The following ASCC1 variants were observed in gnomAD, a reference collection of about 807,000 sequenced individuals.
ASCC1 encodes activating signal cointegrator 1 complex subunit 1.
ASCC1 carries 35 observed loss-of-function variants against 46.6 expected under a neutral mutation model. That is an observed-to-expected ratio of 0.75 (90% CI 0.57 to 0.99). The LOEUF is 0.99. Ranked by LOEUF, ASCC1 falls within the 50% of genes least tolerant of loss-of-function variation. ASCC1 has a pLI of 0.00. For synonymous variants in ASCC1, 143 were observed against 146.6 expected, an observed-to-expected ratio of 0.98 and a Z score of 0.18; for missense variants, 376 against 428.7, an observed-to-expected ratio of 0.88 and a Z score of 1.09.
chr10:72,119,188 TG>T (rs1232709153), intron 9 of ASCC1, among the ~76,000 whole-genome samples: 1 of 152,248 alleles, frequency 6.6e-6, no homozygotes, highest in Non-Finnish European at 1.5e-5. Flanking sequence ...CAAAAGTTTT[TG>T]TAATTTTACC....
At chr10:72,189,840 C>A in intron 5 of ASCC1, 7 of 444,016 alleles carry the variant, frequency 1.6e-5, no homozygotes, top group Admixed American at 3.8e-5. Context: ...AAGACATGAA[C>A]CATTGTTCTA....
chr10:72,168,354 C>T (rs1025720978), intron 5 of ASCC1, among the ~76,000 whole-genome samples: 7 of 152,042 alleles, frequency 4.6e-5, no homozygotes, highest in Non-Finnish European at 7.4e-5. Flanking sequence ...TTAAAAAATG[C>T]AAATTAAAAC....
At chr10:72,103,267 G>A (rs1841997697) in intron 9 of ASCC1, among the ~76,000 whole-genome samples, 1 of 151,578 alleles carries the variant, frequency 6.6e-6, no homozygotes, top group Non-Finnish European at 1.5e-5. Context: ...CGAGTAGCTG[G>A]GACTACAGGC....
chr10:72,144,053 C>T (rs1366557657), intron 7 of ASCC1, among the ~76,000 whole-genome samples: 1 of 151,672 alleles, frequency 6.6e-6, no homozygotes, highest in East Asian at 1.9e-4. Context: ...TCTTGGCTCA[C>T]TGCAACCTCC....
intron 5 of ASCC1, among the ~76,000 whole-genome samples, chr10:72,187,386 A>G (rs1589525365): frequency 6.8e-6 from 1 of 147,806 alleles, no homozygotes; most frequent in Non-Finnish European, 1.5e-5. Flanking sequence ...GGTGGATCAC[A>G]AGGTCAGGAG....
chr10:72,202,294 C>T (rs2133367011), intron 4 of ASCC1, among the ~76,000 whole-genome samples: 1 of 152,178 alleles, frequency 6.6e-6, no homozygotes, highest in East Asian at 1.9e-4. Context: ...TGGCGAAACC[C>T]TGTCTCTACC....
intron 7 of ASCC1, chr10:72,133,995 A>C (rs967965002): frequency 1.3e-5 from 2 of 152,352 alleles, no homozygotes; most frequent in African/African-American, 4.8e-5. Flanking sequence ...CCAAAATTAG[A>C]AGGGGCCGGG....
upstream of ASCC1, chr10:72,216,756 G>A: frequency 2.2e-6 from 1 of 453,966 alleles, no homozygotes; most frequent in Admixed American, 2.4e-5. Context: ...CTCGGACACA[G>A]CAATCTGTGT....
At chr10:72,151,050 G>A (rs1848263854) in intron 7 of ASCC1, among the ~76,000 whole-genome samples, 2 of 152,156 alleles carry the variant, frequency 1.3e-5, no homozygotes, top group Non-Finnish European at 2.9e-5. Flanking sequence ...ATTCCTCAAG[G>A]ATCTAGAACT....
intron 5 of ASCC1, chr10:72,190,045 CCTCCACAGTG>C (rs1174800184): frequency 4.0e-6 from 3 of 758,650 alleles, no homozygotes; most frequent in Non-Finnish European, 7.2e-6. Flanking sequence ...AGCTCTCTGC[CCTCCACAGTG>C]CTCCCCACCC....
At chr10:72,107,492 A>T (rs1399148069) in intron 9 of ASCC1, among the ~76,000 whole-genome samples, 1 of 152,116 alleles carries the variant, frequency 6.6e-6, no homozygotes, top group Admixed American at 6.5e-5. Context: ...GATCCACCAC[A>T]TCCGGGGTCA....
intron 5 of ASCC1, among the ~76,000 whole-genome samples, chr10:72,162,911 C>G (rs777698205): frequency 1.3e-4 from 20 of 148,678 alleles, no homozygotes; most frequent in Non-Finnish European, 5.9e-5. Context: ...CCATTGCACT[C>G]CAGCCTGGGT....
chr10:72,145,089 A>G lies in ASCC1; in HGVS notation c.746+7780T>C, dbSNP rs1847475866. Among the ~76,000 whole-genome samples, 4 of 152,144 alleles carry G rather than the reference A, an allele frequency of 2.6e-5. No homozygotes were observed. The South Asian group carries it at 8.3e-4, about 32-fold the overall frequency. On this transcript the variant is annotated intron_variant, in intron 7 of 9. Transcript: ENST00000672957. ...CAATTCCAGGTTGCCAGTTGTTTTA[A>G]CATTCAGAAAATATCATTCTGCTGT...
intron 7 of ASCC1, among the ~76,000 whole-genome samples, chr10:72,140,812 T>G (rs1846877089): frequency 6.6e-6 from 1 of 152,218 alleles, no homozygotes; most frequent in African/African-American, 2.4e-5. Context: ...GCTGCACCAC[T>G]GTGGAATTTA....
intron 5 of ASCC1, among the ~76,000 whole-genome samples, chr10:72,189,734 G>A (rs1285129454): frequency 1.4e-5 from 2 of 146,922 alleles, no homozygotes; most frequent in East Asian, 2.0e-4. Flanking sequence ...TCTGGGAGGC[G>A]GAGGTTGCAG....
At chr10:72,139,238 C>T (rs954434255) in intron 7 of ASCC1, among the ~76,000 whole-genome samples, 1 of 151,606 alleles carries the variant, frequency 6.6e-6, no homozygotes, top group Non-Finnish European at 1.5e-5. Context: ...CTCAGCCTCC[C>T]GAGCAGCTGG....
Position 72,128,132 on chromosome 10 carries a change from T to C in ASCC1, c.907A>G (p.Lys303Glu). The change falls in exon 9 of 10, where the codon AAA becomes GAA. Residue 303 changes from lysine (K) to glutamate (E), a missense_variant. Transcript: ENST00000672957. ...GRYNLYTAEG[K>E]YIFKERESFD... The stretch of plus-strand genomic sequence containing the variant: ...GATTCTCTTTCCTTGAAGATATATT[T>C]GCCTTCCGCTGTGTAGAGATTGTAC... 1 of 1,614,056 alleles carries C rather than the reference T, an allele frequency of 6.2e-7. No individual in the cohort carries two copies. Among genetic ancestry groups the C allele is most frequent in the Non-Finnish European group, 8.5e-7 (1 of 1,179,938 alleles).
chr10:72,202,778 T>C lies in ASCC1; in HGVS notation c.310+649A>G, dbSNP rs952078242. 3.9e-5 allele frequency among the ~76,000 whole-genome samples: 6 copies of C among 152,198 alleles called. No individual in the cohort carries two copies. The East Asian group carries it at 5.8e-4, about 15-fold the overall frequency. ...CTTTATTTTATATTCACTGATCTCATTGATTTTCTCTAATTCTAATTGGAA... is the reference window on the plus strand; with the variant it reads ...CTTTATTTTATATTCACTGATCTCACTGATTTTCTCTAATTCTAATTGGAA... On this transcript the variant is annotated intron_variant, in intron 4 of 9. Transcript: ENST00000672957.
chr10:72,099,270 T>A (rs552780056), intron 9 of ASCC1, among the ~76,000 whole-genome samples: 1 of 152,276 alleles, frequency 6.6e-6, no homozygotes, highest in East Asian at 1.9e-4. Flanking sequence ...ATTCTCCTAC[T>A]CCAGGTTTAA....
Sources: gnomAD v4.1 joint callset for allele counts (sites outside exome capture counted in the v4.1 genomes callset) on GRCh38, gnomAD v4.1.1 for gene constraint, MANE v1.5 for transcripts, NCBI Gene and HGNC (gene_info 2026-07-23, HGNC 2026-07-21) for gene names.